RORA: variants seen among roughly 807,000 people sequenced by gnomAD.
RORA encodes RAR related orphan receptor A.
RORA carries 7 observed loss-of-function variants against 69.5 expected under a neutral mutation model. That is an observed-to-expected ratio of 0.10 (90% CI 0.06 to 0.19). The LOEUF (loss-of-function observed/expected upper bound fraction) is 0.19, where lower values mean the gene tolerates loss of function less well. Among genes scored for constraint, RORA ranks in the 10% least tolerant of loss-of-function variants. The probability of loss-of-function intolerance (pLI) is 1.00; values close to 1 mark genes in which losing one functional copy is unlikely to be tolerated. For synonymous variants in RORA, 261 were observed against 240.8 expected, an observed-to-expected ratio of 1.08 and a Z score of -0.78; for missense variants, 457 against 663.0, an observed-to-expected ratio of 0.69 and a Z score of 3.41.
At chr15:60,598,101 G>A (rs1358586394) in intron 2 of RORA, among the ~76,000 whole-genome samples, 20 of 152,048 alleles carry the variant, frequency 1.3e-4, no homozygotes, top group Non-Finnish European at 2.9e-5. Flanking sequence ...GGGCCACTAG[G>A]AGGATTAAAC....
intron 5 of RORA, among the ~76,000 whole-genome samples, chr15:60,506,163 T>C (rs2065494377): frequency 6.6e-6 from 1 of 152,232 alleles, no homozygotes; most frequent in Admixed American, 6.5e-5. Flanking sequence ...CCACATACTC[T>C]GGAGCTAGAC....
At chr15:61,022,259 T>C (rs1355657512) in intron 1 of RORA, among the ~76,000 whole-genome samples, 1 of 152,238 alleles carries the variant, frequency 6.6e-6, no homozygotes, top group Admixed American at 6.5e-5. Context: ...AGTGAGCTAA[T>C]TGCATGTAAA....
At chr15:61,022,757 C>G (rs1943107124) in intron 1 of RORA, among the ~76,000 whole-genome samples, 1 of 152,034 alleles carries the variant, frequency 6.6e-6, no homozygotes, top group Non-Finnish European at 1.5e-5. Flanking sequence ...TATTCTAAAA[C>G]ACGTTTGTGG....
chr15:60,602,886 G>A lies in RORA; in HGVS notation c.197-71035C>T, dbSNP rs180388. Among the ~76,000 whole-genome samples, 360 of 152,196 alleles carry A rather than the reference G, an allele frequency of 2.4e-3. 1 individual carries two copies. The highest frequency in any genetic ancestry group is 8.2e-3 in the African/African-American group (339 of 41,490). ...AACCACAATTAAATTAAAAGACACA[G>A]AACAGTTCTATTCCCCTCTCCCCCA... is the stretch of plus-strand genomic sequence containing the variant. On this transcript the variant is annotated intron_variant, in intron 2 of 10. Transcript: ENST00000335670.
intron 1 of RORA, among the ~76,000 whole-genome samples, chr15:60,737,598 G>C (rs1465228654): frequency 6.6e-6 from 1 of 152,214 alleles, no homozygotes; most frequent in Non-Finnish European, 1.5e-5. Flanking sequence ...ACTCGTTTCA[G>C]AACCCCTGGT....
chr15:60,546,052 C>T (rs1298028371), intron 2 of RORA, among the ~76,000 whole-genome samples: 1 of 152,170 alleles, frequency 6.6e-6, no homozygotes, highest in Non-Finnish European at 1.5e-5. Flanking sequence ...GGCTGTGGAA[C>T]CATCCGTTCC....
At chr15:61,106,414 C>T (rs147965845) in intron 1 of RORA, among the ~76,000 whole-genome samples, 50 of 152,258 alleles carry the variant, frequency 3.3e-4, no homozygotes, top group South Asian at 1.2e-3. Context: ...AATAACCATC[C>T]GTTAAGTATT....
intron 1 of RORA, among the ~76,000 whole-genome samples, chr15:61,163,335 A>T (rs1384308470): frequency 6.6e-6 from 1 of 152,170 alleles, no homozygotes; most frequent in Non-Finnish European, 1.5e-5. Context: ...ATAGAACACT[A>T]GCGATCAGCG....
At chr15:61,084,521 C>T (rs902323644) in intron 1 of RORA, among the ~76,000 whole-genome samples, 1 of 152,182 alleles carries the variant, frequency 6.6e-6, no homozygotes, top group Admixed American at 6.5e-5. Context: ...TCCTGTGGGA[C>T]TTGCTATATC....
intron 1 of RORA, among the ~76,000 whole-genome samples, chr15:61,009,120 G>A (rs1895009502): frequency 6.6e-6 from 1 of 152,182 alleles, no homozygotes; most frequent in Non-Finnish European, 1.5e-5. Flanking sequence ...TGCCATTAGT[G>A]ATTCATCACT....
chr15:60,503,833 C>T (rs747252389), intron 6 of RORA, among the ~76,000 whole-genome samples, 166 bp from the exon 7 acceptor site: 17 of 152,124 alleles, frequency 1.1e-4, no homozygotes, highest in Non-Finnish European at 2.4e-4. Flanking sequence ...GATGGAGTCT[C>T]GCTCTGTCAC....
chr15:61,128,638 A>G lies in RORA; in HGVS notation c.166+100415T>C, dbSNP rs765465530. Among the ~76,000 whole-genome samples, 25 of 152,238 alleles carry G rather than the reference A, an allele frequency of 1.6e-4. No homozygotes were observed. Among genetic ancestry groups the G allele is most frequent in the Non-Finnish European group, 3.1e-4 (21 of 68,044 alleles). ...TTTTTCCAGCTTTACGGAAGGGTTG[A>G]AATGTTCTTTCTCTGGTTCCAACTG... On this transcript the variant is annotated intron_variant, in intron 1 of 10. Transcript: ENST00000335670. This position sits in a 1 kb window ranked among gnomAD's most constrained non-coding sequence, Gnocchi z 4.5.
At chr15:60,989,846 C>T (rs1177474019) in intron 1 of RORA, among the ~76,000 whole-genome samples, 2 of 128,372 alleles carry the variant, frequency 1.6e-5, no homozygotes, top group Non-Finnish European at 3.4e-5. Flanking sequence ...ACCCTGAGGT[C>T]GAGTCAGGAT....
chr15:60,600,792 G>A (rs1025594023), intron 2 of RORA, among the ~76,000 whole-genome samples: 2 of 151,924 alleles, frequency 1.3e-5, no homozygotes, highest in South Asian at 2.1e-4. Context: ...ATAATTTTGT[G>A]AAATCAAAAT....
At chr15:60,981,037 C>T (rs1412870169) in intron 1 of RORA, among the ~76,000 whole-genome samples, 1 of 150,024 alleles carries the variant, frequency 6.7e-6, no homozygotes, top group Non-Finnish European at 1.5e-5. Context: ...TTGGAGGTTT[C>T]TTAACTTCTC....
At chr15:60,497,691 G>A (rs2065203927) in intron 10 of RORA, 72 bp from the exon 11 acceptor site, 1 of 1,205,190 alleles carries the variant, frequency 8.3e-7, no homozygotes, top group Non-Finnish European at 1.2e-6. Flanking sequence ...GAACCTGAAT[G>A]ATCTTTATGA....
intron 1 of RORA, among the ~76,000 whole-genome samples, chr15:60,751,450 G>A (rs1156288899): frequency 2.0e-5 from 3 of 152,190 alleles, no homozygotes; most frequent in African/African-American, 7.2e-5. Flanking sequence ...CTAGCATTTA[G>A]TAGACCAGGC....
At chr15:61,053,232 C>G (rs1224106367) in intron 1 of RORA, among the ~76,000 whole-genome samples, 1 of 152,102 alleles carries the variant, frequency 6.6e-6, no homozygotes, top group Non-Finnish European at 1.5e-5. Context: ...TGTACTGTTA[C>G]TGTTTGCATA....
chr15:61,034,521 A>G (rs946845290), intron 1 of RORA, among the ~76,000 whole-genome samples: 6 of 152,190 alleles, frequency 3.9e-5, no homozygotes, highest in Admixed American at 2.0e-4. Flanking sequence ...TATAGCTTAC[A>G]GGTCAGGGAA....
Sources: gnomAD v4.1 joint callset for allele counts (sites outside exome capture counted in the v4.1 genomes callset) on GRCh38, gnomAD v4.1.1 for gene constraint, Gnocchi (gnomAD v3.1) non-coding constraint, MANE v1.5 for transcripts, NCBI Gene and HGNC (gene_info 2026-07-23, HGNC 2026-07-21) for gene names.